Variants in FANK1 observed in about 807,000 individuals in gnomAD.
The protein encoded by FANK1 is fibronectin type III and ankyrin repeat domains 1.
Under a neutral mutation model 45.3 loss-of-function variants are expected in FANK1, and 44 were observed. The ratio of observed to expected loss-of-function variants is 0.97; its 90% CI spans 0.76 to 1.25. The LOEUF (loss-of-function observed/expected upper bound fraction) is 1.25. Among genes scored for constraint, FANK1 ranks in the 50% most tolerant of loss-of-function variants. The pLI is 0.00. For synonymous variants in FANK1, 149 were observed against 152.5 expected (o/e 0.98, Z 0.17); for missense variants, 391 against 424.4 (o/e 0.92, Z 0.69).
intron 1 of FANK1, among the ~76,000 whole-genome samples, chr10:125,964,539 A>T (rs1459160796): frequency 5.3e-5 from 8 of 152,148 alleles, no homozygotes; most frequent in African/African-American, 1.9e-4. Context: ...TTCTTTTGTG[A>T]TTCGACCTTA....
At position 126,009,373 on chromosome 10, in the gene FANK1, A is replaced by C. The variant is rs1953492684; in HGVS notation, c.973A>C (p.Ser325Arg). The change falls in exon 11 of 11, where the codon AGT (serine) becomes CGT (arginine). Residue 325 changes from serine to arginine, a missense_variant and splice_region_variant. Ser to Arg is a moderately radical substitution (Grantham distance 110). Coordinates refer to ENST00000368693, the MANE Select transcript of FANK1 (RefSeq NM_145235.5). The stretch of plus-strand genomic sequence containing the variant: ...TCGCCTGTCTGTTTTGTTTATCTAG[A>C]GTGTAGTCTCCTTATTAGAAGAAAG... ...LEMARVFDRQ[S>R]VVSLLEERKK... is the part of the protein sequence containing the mutation. 1.2e-6 allele frequency: 2 copies of C among 1,613,936 alleles called. No individual in the cohort carries two copies. Among genetic ancestry groups the C allele is most frequent in the East Asian group, 4.5e-5 (2 of 44,864 alleles).
At chr10:126,002,695 A>G (rs1447295774) in intron 6 of FANK1, among the ~76,000 whole-genome samples, 1 of 151,430 alleles carries the variant, frequency 6.6e-6, no homozygotes, top group Non-Finnish European at 1.5e-5. Context: ...ATGAAAGAAT[A>G]GTACAACAAA....
chr10:125,933,267 T>A (rs1947868140), intron 1 of FANK1, among the ~76,000 whole-genome samples: 3 of 151,468 alleles, frequency 2.0e-5, no homozygotes, highest in African/African-American at 7.3e-5. Context: ...GGTCCTAGAC[T>A]TTTTTTTTGT....
intron 1 of FANK1, among the ~76,000 whole-genome samples, chr10:125,946,108 AC>A (rs1164386993): frequency 6.6e-6 from 1 of 152,196 alleles, no homozygotes; most frequent in Non-Finnish European, 1.5e-5. Flanking sequence ...ACCCATCTGT[AC>A]ATCACCATCA....
rs1377006514 is a variant in FANK1, at chr10:125,983,477, A to G, written c.191+3139A>G. ...TAAAAATAGGTAGTCAGCAGGCAAT[A>G]CATACTGAGGGGCAGCAGCATAGGA... On this transcript the variant is annotated intron_variant, in intron 2 of 10. Transcript: ENST00000368693. The surrounding 1 kb of genome is among the most constrained non-coding windows in gnomAD (Gnocchi z 4.3). Among the ~76,000 whole-genome samples, 1 of 152,326 alleles carries G rather than the reference A, an allele frequency of 6.6e-6. No homozygotes were observed. The highest frequency in any genetic ancestry group is 1.9e-4 in the East Asian group (1 of 5,184).
chr10:125,952,339 G>A (rs187594892), intron 1 of FANK1, among the ~76,000 whole-genome samples: 12 of 152,226 alleles, frequency 7.9e-5, no homozygotes, highest in Middle Eastern at 3.4e-3. Flanking sequence ...TGGTGTTTGG[G>A]TGTTTGCCCG....
intron 1 of FANK1, among the ~76,000 whole-genome samples, chr10:125,966,446 A>C (rs1590080539): frequency 6.6e-6 from 1 of 151,844 alleles, no homozygotes; most frequent in Non-Finnish European, 1.5e-5. Context: ...TGCCTCCCCC[A>C]TGCACCTGGT....
At chr10:125,898,441 G>T (rs1242254951) in intron 1 of FANK1, among the ~76,000 whole-genome samples, 6 of 152,260 alleles carry the variant, frequency 3.9e-5, no homozygotes, top group Admixed American at 2.6e-4. Flanking sequence ...ATTGGGGGAA[G>T]AGGAGATGGA....
At chr10:125,955,230 A>G (rs952658807) in intron 1 of FANK1, among the ~76,000 whole-genome samples, 1 of 151,920 alleles carries the variant, frequency 6.6e-6, no homozygotes, top group Non-Finnish European at 1.5e-5. Flanking sequence ...TCTAGCATCC[A>G]TTAGCTATTC....
At position 125,970,683 on chromosome 10, in the gene FANK1, G is replaced by A. The variant is rs376592156; in HGVS notation, c.14-9478G>A. On this transcript the variant is annotated intron_variant, in intron 1 of 10. Transcript: ENST00000368693. ...ACAAAAACCAGTCAGGCGTGACAGC[G>A]CGCGCCTGCAATCCCAGGCACTCGG... Among the ~76,000 whole-genome samples, 9 of 152,312 alleles carry A rather than the reference G, an allele frequency of 5.9e-5. No individual in the cohort carries two copies. The East Asian group carries it at 7.7e-4, about 13-fold the overall frequency.
At chr10:125,942,306 T>C (rs1199544163) in intron 1 of FANK1, among the ~76,000 whole-genome samples, 1 of 152,212 alleles carries the variant, frequency 6.6e-6, no homozygotes, top group Non-Finnish European at 1.5e-5. Flanking sequence ...GATGGATTGA[T>C]AGGTGCAGCA....
At chr10:125,986,591 TC>T (rs1473039499) in intron 2 of FANK1, among the ~76,000 whole-genome samples, 1 of 152,182 alleles carries the variant, frequency 6.6e-6, no homozygotes, top group Non-Finnish European at 1.5e-5. Flanking sequence ...ACCATGACTT[TC>T]CCAGGTGTTG....
chr10:125,914,366 A>G (rs1050934504), intron 1 of FANK1, among the ~76,000 whole-genome samples: 3 of 151,756 alleles, frequency 2.0e-5, no homozygotes, highest in African/African-American at 7.3e-5. Context: ...CTTCATGAGG[A>G]CAGGAACCAG....
intron 1 of FANK1, among the ~76,000 whole-genome samples, chr10:125,962,139 CA>C (rs894686133): frequency 1.3e-5 from 2 of 152,076 alleles, no homozygotes; most frequent in African/African-American, 4.8e-5. Flanking sequence ...ATCTCAACAG[CA>C]AAAAACAATC....
intron 7 of FANK1, among the ~76,000 whole-genome samples, chr10:126,005,352 C>A (rs185688834): frequency 1.5e-4 from 22 of 149,036 alleles, no homozygotes; most frequent in Non-Finnish European, 2.8e-4. Context: ...CTGTCGCCCA[C>A]GCTGGAGTGC....
chr10:125,916,987 C>T lies in FANK1; in HGVS notation c.13+20332C>T, dbSNP rs141744874. Among the ~76,000 whole-genome samples the T allele has an allele frequency of 4.6e-3, 704 of 152,336 alleles. 2 individuals are homozygous for T. Among genetic ancestry groups the T allele is most frequent in the African/African-American group, 0.016 (645 of 41,560 alleles). ...TCCTGCTGTTCCTCCCAGTTTACTA[C>T]GCTTAGCTCCTACCCCTTTTTGTCC... On this transcript the variant is annotated intron_variant, in intron 1 of 10. Coordinates refer to ENST00000368693, the MANE Select transcript of FANK1 (RefSeq NM_145235.5).
At chr10:125,990,884 G>A (rs1590194286) in intron 3 of FANK1, among the ~76,000 whole-genome samples, 5 of 152,308 alleles carry the variant, frequency 3.3e-5, no homozygotes, top group Admixed American at 3.3e-4. Context: ...TTCCACGGCG[G>A]CAGGCAAGAG....
In FANK1 at chr10:125,983,782, G is replaced by A. The variant is rs1194361313; in HGVS notation, c.191+3444G>A. 2.0e-5 allele frequency among the ~76,000 whole-genome samples: 3 copies of A among 152,172 alleles called. No individual in the cohort carries two copies. The highest frequency in any genetic ancestry group is 7.2e-5 in the African/African-American group (3 of 41,436). On this transcript the variant is annotated intron_variant, in intron 2 of 10. Coordinates refer to ENST00000368693, the MANE Select transcript of FANK1 (RefSeq NM_145235.5). This position sits in a 1 kb window ranked among gnomAD's most constrained non-coding sequence, Gnocchi z 4.3. ...CTTGAGGGTTATTGGGAGAACTCTG[G>A]CTTACTCTGAGAGAGGCGGGGAAAG...
chr10:125,958,686 G>T (rs1221350847), intron 1 of FANK1, among the ~76,000 whole-genome samples: 1 of 152,076 alleles, frequency 6.6e-6, no homozygotes, highest in Admixed American at 6.5e-5. Flanking sequence ...ATCCTCCAGT[G>T]AGGTGATACC....
Sources: allele counts gnomAD v4.1 joint callset (sites outside exome capture counted in the v4.1 genomes callset), GRCh38; gene constraint gnomAD v4.1.1; non-coding constraint Gnocchi (gnomAD v3.1); transcripts MANE v1.5; gene names NCBI Gene and HGNC (gene_info 2026-07-23, HGNC 2026-07-21).